The following TAS2R1 variants were observed in gnomAD, a reference collection of about 807,000 sequenced individuals.
TAS2R1 encodes taste 2 receptor member 1.
For synonymous variants in TAS2R1, 141 were observed against 134.2 expected (o/e 1.05, Z -0.35); for missense variants, 370 against 353.4 (o/e 1.05, Z -0.38).
chr5:9,850,351 T>A, the TAS2R1 span, among the ~76,000 whole-genome samples: 1 of 152,236 alleles, frequency 6.6e-6, no homozygotes, highest in Non-Finnish European at 1.5e-5. Context: ...CACATGACTT[T>A]CAATTTATGG....
intron 1 of TAS2R1, among the ~76,000 whole-genome samples, chr5:9,691,455 G>C (rs991020400): frequency 1.3e-5 from 2 of 152,286 alleles, no homozygotes; most frequent in Non-Finnish European, 2.9e-5. Context: ...GGCAGCCACA[G>C]GACGCAGACA....
intron 1 of TAS2R1, among the ~76,000 whole-genome samples, chr5:9,663,040 T>C (rs544886636): frequency 6.6e-6 from 1 of 152,338 alleles, no homozygotes; most frequent in South Asian, 2.1e-4. Flanking sequence ...TTTCATCCAC[T>C]TAAATGTGAT....
intron 1 of TAS2R1, among the ~76,000 whole-genome samples, chr5:9,696,405 C>CA (rs920190618): frequency 1.3e-5 from 2 of 151,370 alleles, no homozygotes; most frequent in South Asian, 2.1e-4. Flanking sequence ...ACTAAAAATA[C>CA]AAAAAAATTA....
the TAS2R1 span, among the ~76,000 whole-genome samples, chr5:9,879,815 G>A: frequency 3.3e-5 from 5 of 152,164 alleles, no homozygotes; most frequent in South Asian, 2.1e-4. Context: ...CCCCCAGCCT[G>A]TTTGAACCAT....
the TAS2R1 span, among the ~76,000 whole-genome samples, chr5:9,807,050 G>C: frequency 6.6e-6 from 1 of 151,538 alleles, no homozygotes; most frequent in Non-Finnish European, 1.5e-5. Context: ...AAAAATATCA[G>C]CAAGAAAAAA....
the TAS2R1 span, among the ~76,000 whole-genome samples, chr5:9,838,081 A>AC: frequency 1.3e-5 from 2 of 151,958 alleles, no homozygotes; most frequent in African/African-American, 2.4e-5. Flanking sequence ...TGCAGAGACA[A>AC]CCCCCCCAGG....
At chr5:9,866,053 T>G in the TAS2R1 span, among the ~76,000 whole-genome samples, 5 of 152,194 alleles carry the variant, frequency 3.3e-5, no homozygotes, top group East Asian at 9.6e-4. Flanking sequence ...GACCCATATA[T>G]CTCTTACTTA....
intron 1 of TAS2R1, among the ~76,000 whole-genome samples, chr5:9,668,800 C>T (rs957055934): frequency 1.3e-5 from 2 of 151,738 alleles, no homozygotes; most frequent in African/African-American, 2.4e-5. Context: ...CTAGCTAGCA[C>T]AAAAGCACAC....
chr5:9,648,502 C>T (rs1278148509), intron 2 of TAS2R1, among the ~76,000 whole-genome samples: 1 of 151,976 alleles, frequency 6.6e-6, no homozygotes, highest in Non-Finnish European at 1.5e-5. Flanking sequence ...GTCTCTGAAT[C>T]GTGGGGAACA....
chr5:9,764,457 T>C, the TAS2R1 span, among the ~76,000 whole-genome samples: 1 of 152,222 alleles, frequency 6.6e-6, no homozygotes, highest in Non-Finnish European at 1.5e-5. Context: ...ATTAAATACC[T>C]ATAGAAACCA....
At position 9,669,209 on chromosome 5, in the gene TAS2R1, C is replaced by T. The variant is rs569437220; in HGVS notation, c.-241-9628G>A. 7.4e-4 allele frequency among the ~76,000 whole-genome samples: 112 copies of T among 152,190 alleles called. 3 individuals carry two copies. The Middle Eastern group carries it at 0.014, about 18-fold the overall frequency. ...GTAAAGGGTTCAATCCAAAAGAAGACCTAACTATCCTATAAATGTGCAGCC... is the reference window on the plus strand; with the variant it reads ...GTAAAGGGTTCAATCCAAAAGAAGATCTAACTATCCTATAAATGTGCAGCC... On this transcript the variant is annotated intron_variant, in intron 1 of 2. Transcript: ENST00000506620.
chr5:9,891,881 T>G, the TAS2R1 span, among the ~76,000 whole-genome samples: 2 of 152,230 alleles, frequency 1.3e-5, no homozygotes, highest in East Asian at 1.9e-4. Context: ...ACTTGACCCC[T>G]TCTGCAAATA....
chr5:9,763,030 G>A, the TAS2R1 span, among the ~76,000 whole-genome samples: 1 of 152,104 alleles, frequency 6.6e-6, no homozygotes, highest in African/African-American at 2.4e-5. Flanking sequence ...ATACAAAATT[G>A]CAAAAACAGA....
At chr5:9,735,927 G>A in the TAS2R1 span, among the ~76,000 whole-genome samples, 2 of 152,186 alleles carry the variant, frequency 1.3e-5, no homozygotes, top group African/African-American at 4.8e-5. Context: ...AGAAAAGACA[G>A]ATAGGACCTG....
the TAS2R1 span, among the ~76,000 whole-genome samples, chr5:9,872,272 C>T: frequency 6.6e-6 from 1 of 152,104 alleles, no homozygotes; most frequent in Admixed American, 6.5e-5. Flanking sequence ...AATTCACACC[C>T]AGCTATTTAA....
the TAS2R1 span, among the ~76,000 whole-genome samples, chr5:9,782,622 G>GCT: frequency 6.6e-6 from 1 of 152,224 alleles, no homozygotes; most frequent in Non-Finnish European, 1.5e-5. Flanking sequence ...TCCAGCTGCA[G>GCT]GGACCTTGTC....
Position 9,630,140 on chromosome 5 carries a change from G to A in TAS2R1, c.-108C>T. The A allele has an allele frequency of 1.1e-6, 1 of 930,768 alleles. No homozygotes were observed. The highest frequency in any genetic ancestry group is 1.6e-6 in the Non-Finnish European group (1 of 640,998). The allele number at this position is 930,768 out of a possible 1,614,324, so 57.7% of individuals were successfully genotyped here. A position where few individuals can be genotyped will look rare whatever the true frequency, so the allele number is the denominator to read the frequency against. On this transcript the variant is annotated 5_prime_UTR_variant, in exon 1 of 1. Coordinates refer to ENST00000382492, the MANE Select transcript of TAS2R1 (RefSeq NM_019599.3). ...AGATCAGGACTCCTCTGGGGAAGAA[G>A]ACTAACAATAAAGGCATGGGGCAGG...
chr5:9,799,116 T>C, the TAS2R1 span, among the ~76,000 whole-genome samples: 1 of 152,110 alleles, frequency 6.6e-6, no homozygotes. Context: ...TTAGGTTGTC[T>C]CTCTAAAGCG....
the TAS2R1 span, among the ~76,000 whole-genome samples, chr5:9,758,726 C>T: frequency 6.6e-6 from 1 of 152,144 alleles, no homozygotes; most frequent in Admixed American, 6.5e-5. Flanking sequence ...ACTTCTACAG[C>T]CACTTGGAAC....
Sources: allele counts gnomAD v4.1 joint callset (sites outside exome capture counted in the v4.1 genomes callset), GRCh38; gene constraint gnomAD v4.1.1; transcripts MANE v1.5; gene names NCBI Gene and HGNC (gene_info 2026-07-23, HGNC 2026-07-21).